The following PADI3 variants were observed in gnomAD, a reference collection of about 807,000 sequenced individuals.
PADI3 encodes protein-arginine deiminase type-3.
In PADI3, 53 loss-of-function variants were observed where a neutral mutation model predicts 71.5. The ratio of observed to expected loss-of-function variants is 0.74; its 90% CI spans 0.59 to 0.93. The LOEUF (loss-of-function observed/expected upper bound fraction) is 0.93. Among genes scored for constraint, PADI3 ranks in the 40% least tolerant of loss-of-function variants. PADI3 has a pLI of 0.00. For synonymous variants in PADI3, 361 were observed against 347.5 expected (o/e 1.04, Z -0.43); for missense variants, 821 against 868.0 (o/e 0.95, Z 0.68).
At chr1:17,281,839 G>C (rs964133035) in intron 15 of PADI3, among the ~76,000 whole-genome samples, 3 of 152,186 alleles carry the variant, frequency 2.0e-5, no homozygotes, top group African/African-American at 4.8e-5. Flanking sequence ...TCTAAAGCAC[G>C]GCCCGAGGCA....
intron 5 of PADI3, among the ~76,000 whole-genome samples, chr1:17,267,068 C>T (rs1252728240): frequency 6.6e-6 from 1 of 152,174 alleles, no homozygotes; most frequent in African/African-American, 2.4e-5. Context: ...GGAAATGAGC[C>T]ACCTCGCCAT....
intron 3 of PADI3, among the ~76,000 whole-genome samples, chr1:17,265,009 C>CAAAA (rs55683674): frequency 0.01 from 1,449 of 140,234 alleles, 25 homozygotes; most frequent in East Asian, 0.033. Flanking sequence ...TGTCTTGTCT[C>CAAAA]AAAAAAAAAA....
In PADI3 at chr1:17,255,117, G is replaced by C. The variant is rs1431108853; in HGVS notation, c.93-4461G>C. On this transcript the variant is annotated intron_variant, in intron 1 of 15. Coordinates refer to ENST00000375460, the MANE Select transcript of PADI3 (RefSeq NM_016233.2). ...AAAATGCGGTTCCAAGGCCCCACCTGGAGCACTTCTAAGAATCTGCATTTT... is the reference window on the plus strand; with the variant it reads ...AAAATGCGGTTCCAAGGCCCCACCTCGAGCACTTCTAAGAATCTGCATTTT... 2.6e-5 allele frequency among the ~76,000 whole-genome samples: 4 copies of C among 152,212 alleles called. No individual in the cohort carries two copies. In the East Asian group the frequency reaches 7.7e-4, roughly 29 times the overall value.
chr1:17,264,464 C>T (rs890714476), intron 3 of PADI3, among the ~76,000 whole-genome samples: 5 of 152,066 alleles, frequency 3.3e-5, no homozygotes, highest in African/African-American at 1.2e-4. Context: ...CCTCAATGTC[C>T]GTCTCTGATC....
intron 1 of PADI3, among the ~76,000 whole-genome samples, chr1:17,252,397 C>CTTTT (rs1448917763): frequency 1.6e-5 from 1 of 62,252 alleles, no homozygotes; most frequent in Non-Finnish European, 4.1e-5. Context: ...TTCTTTTCTT[C>CTTTT]TTCTTTTTTT....
chr1:17,268,131 C>A (rs1175255171), intron 6 of PADI3, among the ~76,000 whole-genome samples, 169 bp downstream of exon 6: 1 of 152,244 alleles, frequency 6.6e-6, no homozygotes, highest in Admixed American at 6.5e-5. Flanking sequence ...GGCTTTGGAA[C>A]TGATGAACTG....
At chr1:17,253,600 A>T (rs1031685111) in intron 1 of PADI3, among the ~76,000 whole-genome samples, 3 of 152,122 alleles carry the variant, frequency 2.0e-5, no homozygotes, top group Non-Finnish European at 4.4e-5. Flanking sequence ...GGGGATCCAT[A>T]AAAAAATTGA....
At chr1:17,249,260 C>T (rs1161055462) in intron 1 of PADI3, 31 bp downstream of exon 1, 1 of 1,551,824 alleles carries the variant, frequency 6.4e-7, no homozygotes. Context: ...GGTTTGCAGG[C>T]CCTTGGTGCT....
At chr1:17,272,932 T>C (rs1166951555) in intron 9 of PADI3, among the ~76,000 whole-genome samples, 1 of 152,188 alleles carries the variant, frequency 6.6e-6, no homozygotes, top group East Asian at 1.9e-4. Flanking sequence ...AGGACCTGGA[T>C]GTGAAGTTCA....
In PADI3 at chr1:17,271,054, G is replaced by A; in HGVS notation, c.936-13G>A. ...CTCCATCCTGAGCCCCTCTTCCCTG[G>A]GCTTGTCCGTAGTGTGAGGAACAAC... On this transcript the variant is annotated splice_polypyrimidine_tract_variant and intron_variant, in intron 8 of 15. Transcript: ENST00000375460. 2 of 1,614,014 alleles carry A rather than the reference G, an allele frequency of 1.2e-6. No individual in the cohort carries two copies. Among genetic ancestry groups the A allele is most frequent in the Non-Finnish European group, 1.7e-6 (2 of 1,179,922 alleles).
chr1:17,282,104 CCCTT>C (rs1436698766), intron 15 of PADI3, among the ~76,000 whole-genome samples: 2 of 152,174 alleles, frequency 1.3e-5, no homozygotes, highest in Non-Finnish European at 2.9e-5. Flanking sequence ...CTTTTCACTC[CCCTT>C]CCTTCCTGTT....
At chr1:17,279,599 C>A (rs1050061478) in intron 13 of PADI3, among the ~76,000 whole-genome samples, 2 of 152,198 alleles carry the variant, frequency 1.3e-5, no homozygotes, top group African/African-American at 4.8e-5. Context: ...ACATATCCTA[C>A]CTGTGTGACC....
Position 17,280,809 on chromosome 1 carries a change from C to T in PADI3, c.1761+13C>T, listed in dbSNP as rs1480766437. 4 of 1,612,898 alleles carry T rather than the reference C, an allele frequency of 2.5e-6. No homozygotes were observed. Among genetic ancestry groups the T allele is most frequent in the Non-Finnish European group, 2.5e-6 (3 of 1,179,150 alleles). Reference sequence around the variant, plus strand: ...CTTCCCTGACTTGGTGAGGGCACTACCCATGACTCCTTTGCCAAATCAGGC... The same window carrying T: ...CTTCCCTGACTTGGTGAGGGCACTATCCATGACTCCTTTGCCAAATCAGGC... On this transcript the variant is annotated intron_variant, in intron 15 of 15. Coordinates refer to ENST00000375460, the MANE Select transcript of PADI3 (RefSeq NM_016233.2).
chr1:17,252,789 A>AGTGGTAAGAACAGACTGGACCC, intron 1 of PADI3, among the ~76,000 whole-genome samples: 1 of 152,314 alleles, frequency 6.6e-6, no homozygotes, highest in Admixed American at 6.5e-5. Flanking sequence ...TCATTGGCCC[A>AGTGGTAAGAACAGACTGGACCC]GTGGTAAGAA....
intron 6 of PADI3, among the ~76,000 whole-genome samples, chr1:17,268,420 T>C (rs2073200328): frequency 6.6e-6 from 1 of 151,832 alleles, no homozygotes; most frequent in African/African-American, 2.4e-5. Flanking sequence ...TTTTACATAG[T>C]CTGCCAAAAT....
In PADI3 at chr1:17,270,358, G is replaced by A. The variant is rs778805313; in HGVS notation, c.778G>A (p.Gly260Ser). The A allele has an allele frequency of 1.8e-5, 29 of 1,613,822 alleles. No homozygotes were observed. The highest frequency in any genetic ancestry group is 1.6e-4 in the Middle Eastern group (1 of 6,084). Residue 260 changes from glycine (G) to serine (S), a missense_variant, in exon 7 of 16, where the codon GGC (glycine) becomes AGC (serine). Coordinates refer to ENST00000375460, the MANE Select transcript of PADI3 (RefSeq NM_016233.2). The part of the protein sequence containing the change: ...FVEGLSFPDA[G>S]FTGLISFHVT... ...GGAAGGCCTGTCCTTCCCTGATGCC[G>A]GCTTCACAGGACTCATCTCCTTCCA...
At chr1:17,273,878 T>C (rs2073289541) in intron 10 of PADI3, among the ~76,000 whole-genome samples, 1 of 152,144 alleles carries the variant, frequency 6.6e-6, no homozygotes. Flanking sequence ...TGAGCCTCAG[T>C]TTCCTCATCA....
intron 4 of PADI3, 76 bp from the exon 5 acceptor site, chr1:17,266,643 C>T: frequency 2.4e-6 from 3 of 1,249,804 alleles, no homozygotes; most frequent in Non-Finnish European, 3.5e-6. Context: ...GGTTACAGGC[C>T]AGGCTCGGGT....
chr1:17,268,636 T>C (rs1015656805), intron 6 of PADI3, among the ~76,000 whole-genome samples: 3 of 150,766 alleles, frequency 2.0e-5, no homozygotes, highest in African/African-American at 7.3e-5. Context: ...GCCTCCCAAG[T>C]AGCTGTGACT....
Sources: allele counts gnomAD v4.1 joint callset (sites outside exome capture counted in the v4.1 genomes callset), GRCh38; gene constraint gnomAD v4.1.1; transcripts MANE v1.5; gene names NCBI Gene and HGNC (gene_info 2026-07-23, HGNC 2026-07-21).